CYP7B1: variants seen among roughly 807,000 people sequenced by gnomAD.
CYP7B1 encodes the protein cytochrome P450 family 7 subfamily B member 1, also known as cytochrome P450 7B1.
In CYP7B1, 29 loss-of-function variants were observed where a neutral mutation model predicts 42.7. That is an observed-to-expected ratio of 0.68 (90% CI 0.51 to 0.93). The LOEUF (loss-of-function observed/expected upper bound fraction) is 0.93, where lower values mean the gene tolerates loss of function less well. Among genes scored for constraint, CYP7B1 ranks in the 40% least tolerant of loss-of-function variants. CYP7B1 has a pLI of 0.00. For synonymous variants in CYP7B1, 235 were observed against 218.2 expected (o/e 1.08, Z -0.68); for missense variants, 655 against 600.5 (o/e 1.09, Z -0.95).
intron 4 of CYP7B1, among the ~76,000 whole-genome samples, chr8:64,610,374 C>T (rs1291384112): frequency 1.3e-5 from 2 of 152,042 alleles, no homozygotes; most frequent in South Asian, 2.1e-4. Context: ...TTAGAAGTTC[C>T]TAAATAAAGT....
intron 5 of CYP7B1, 85 bp downstream of exon 5, chr8:64,604,597 G>T: frequency 6.5e-7 from 1 of 1,529,406 alleles, no homozygotes; most frequent in Non-Finnish European, 9.0e-7. Context: ...CTGGACCAAA[G>T]TGGCAAGAGG....
intron 1 of CYP7B1, among the ~76,000 whole-genome samples, chr8:64,681,184 C>T (rs905161389): frequency 6.6e-6 from 1 of 152,146 alleles, no homozygotes; most frequent in South Asian, 2.1e-4. Context: ...AGATCTTTCT[C>T]CCCCCTTTTG....
At chr8:64,763,897 C>T (rs1807928097) in intron 1 of CYP7B1, among the ~76,000 whole-genome samples, 1 of 152,208 alleles carries the variant, frequency 6.6e-6, no homozygotes, top group African/African-American at 2.4e-5. Flanking sequence ...AAGTGTAGCC[C>T]CAAAATTCTC....
chr8:64,711,969 T>C (rs944615415), intron 1 of CYP7B1, among the ~76,000 whole-genome samples: 7 of 152,224 alleles, frequency 4.6e-5, no homozygotes, highest in African/African-American at 1.7e-4. Flanking sequence ...TCCTTTCTCT[T>C]CTGCACTATT....
intron 1 of CYP7B1, among the ~76,000 whole-genome samples, chr8:64,674,382 G>A (rs184690428): frequency 1.3e-5 from 2 of 152,164 alleles, no homozygotes; most frequent in Admixed American, 1.3e-4. Flanking sequence ...TGTAGAGGGG[G>A]ATTTCCTTGT....
At chr8:64,600,806 G>T (rs1165990669) in intron 5 of CYP7B1, among the ~76,000 whole-genome samples, 3 of 152,102 alleles carry the variant, frequency 2.0e-5, no homozygotes, top group Admixed American at 2.0e-4. Flanking sequence ...TTCCAATATG[G>T]TAGGTATGAA....
intron 1 of CYP7B1, among the ~76,000 whole-genome samples, chr8:64,717,244 A>T (rs13282180): frequency 0.29 from 43,761 of 151,842 alleles, 7,507 homozygotes; most frequent in African/African-American, 0.48. Flanking sequence ...CGTGCAGGTT[A>T]GTTACATTCT....
At chr8:64,749,001 A>G (rs965549291) in intron 1 of CYP7B1, among the ~76,000 whole-genome samples, 1 of 152,202 alleles carries the variant, frequency 6.6e-6, no homozygotes, top group Admixed American at 6.5e-5. Context: ...TGCAGAAAGG[A>G]TTTAGATTTC....
At chr8:64,795,103 T>C (rs1423636160) in intron 1 of CYP7B1, among the ~76,000 whole-genome samples, 1 of 152,168 alleles carries the variant, frequency 6.6e-6, no homozygotes, top group Non-Finnish European at 1.5e-5. Flanking sequence ...CTCAATCTTC[T>C]CTCAATCAAT....
At position 64,596,072 on chromosome 8, in the gene CYP7B1, T is replaced by C. The variant is rs1434458626; in HGVS notation, c.*570A>G. On this transcript the variant is annotated 3_prime_UTR_variant, in exon 6 of 6. Transcript: ENST00000310193. ...AGGAACATTTATGCATGATTAAATA[T>C]TGAAGTGAAGTTGAAGCATTCAATC... 2 of 161,546 alleles carry C rather than the reference T, an allele frequency of 1.2e-5. No homozygotes were observed. The highest frequency in any genetic ancestry group is 2.4e-5 in the African/African-American group (1 of 41,604). The allele number at this position is 161,546 out of a possible 1,614,324, so 10.0% of individuals were successfully genotyped here. A position where few individuals can be genotyped will look rare whatever the true frequency, so the allele number is the denominator to read the frequency against.
intron 1 of CYP7B1, among the ~76,000 whole-genome samples, chr8:64,657,271 A>G (rs1806134790): frequency 6.6e-6 from 1 of 152,174 alleles, no homozygotes; most frequent in Non-Finnish European, 1.5e-5. Context: ...GTTTTTCTAG[A>G]AAGAGGGCTC....
intron 1 of CYP7B1, among the ~76,000 whole-genome samples, chr8:64,686,462 C>G (rs1806648853): frequency 2.4e-5 from 1 of 42,462 alleles, no homozygotes. Context: ...GTTGGGGGGT[C>G]AGCCCCCCGC....
chr8:64,659,246 A>G (rs978540680), intron 1 of CYP7B1, among the ~76,000 whole-genome samples: 2 of 151,418 alleles, frequency 1.3e-5, no homozygotes, highest in East Asian at 3.8e-4. Flanking sequence ...AATAAAAACT[A>G]TTTACTATAT....
chr8:64,602,108 A>C (rs2129629875), intron 5 of CYP7B1, among the ~76,000 whole-genome samples: 1 of 152,336 alleles, frequency 6.6e-6, no homozygotes. Context: ...GGCACTGAGA[A>C]TACAGAGATG....
intron 1 of CYP7B1, among the ~76,000 whole-genome samples, chr8:64,691,482 TGG>T (rs377598990): frequency 1.5e-4 from 8 of 53,518 alleles, no homozygotes; most frequent in African/African-American, 4.3e-4. Flanking sequence ...CGATGGCAAC[TGG>T]GGGGGGGGGG....
intron 1 of CYP7B1, among the ~76,000 whole-genome samples, chr8:64,745,032 C>T (rs1342022893): frequency 1.3e-5 from 2 of 152,050 alleles, no homozygotes; most frequent in East Asian, 3.9e-4. Context: ...TGGAGAGATT[C>T]GTTAATTGCT....
At chr8:64,746,685 G>A (rs187726865) in intron 1 of CYP7B1, among the ~76,000 whole-genome samples, 16 of 152,176 alleles carry the variant, frequency 1.1e-4, no homozygotes, top group African/African-American at 3.6e-4. Flanking sequence ...GAAAGTAAAC[G>A]TGTTATAATT....
rs756707245 is a variant in CYP7B1, at chr8:64,604,877, G to A, written c.1058-20C>T. 8.1e-6 allele frequency: 13 copies of A among 1,610,714 alleles called. No individual in the cohort carries two copies. The highest frequency in any genetic ancestry group is 2.2e-5 in the East Asian group (1 of 44,848). On this transcript the variant is annotated intron_variant, in intron 4 of 5. Coordinates refer to ENST00000310193, the MANE Select transcript of CYP7B1 (RefSeq NM_004820.5). The stretch of plus-strand genomic sequence containing the variant: ...TGCTTTCTGAAGGAAAAAAACAAAC[G>A]ATAGCTTATTAAGATAGGGCTGGTC...
intron 1 of CYP7B1, among the ~76,000 whole-genome samples, chr8:64,682,872 C>T (rs1468300912): frequency 6.6e-6 from 1 of 152,166 alleles, no homozygotes; most frequent in Non-Finnish European, 1.5e-5. Flanking sequence ...TTCACCTATC[C>T]AAAATGAATG....
Sources: gnomAD v4.1 joint callset for allele counts (sites outside exome capture counted in the v4.1 genomes callset) on GRCh38, gnomAD v4.1.1 for gene constraint, MANE v1.5 for transcripts, NCBI Gene and HGNC (gene_info 2026-07-23, HGNC 2026-07-21) for gene names.